The following ARHGAP44 variants were observed in gnomAD, a reference collection of about 807,000 sequenced individuals.
ARHGAP44 encodes Rho GTPase activating protein 44, also known as rho GTPase-activating protein 44.
A neutral mutation model predicts 106.8 loss-of-function variants in ARHGAP44; 43 were observed. That is an observed-to-expected ratio of 0.40 (90% CI 0.32 to 0.52). The LOEUF (loss-of-function observed/expected upper bound fraction) is 0.52, where lower values mean the gene tolerates loss of function less well. Among genes scored for constraint, ARHGAP44 ranks in the 20% least tolerant of loss-of-function variants. The pLI is 0.48. For missense variants in ARHGAP44, 866 were observed against 1,050.5 expected (o/e 0.82, Z 2.43); for synonymous variants, 439 against 410.3 (o/e 1.07, Z -0.85).
chr17:12,963,471 C>T (rs77898476), intron 16 of ARHGAP44, among the ~76,000 whole-genome samples: 15,297 of 152,322 alleles, frequency 0.1, 894 homozygotes, highest in South Asian at 0.2. Context: ...GCCAGCACAG[C>T]TCCAAGCTCT....
chr17:12,816,925 A>T (rs981853470), intron 1 of ARHGAP44, among the ~76,000 whole-genome samples: 2 of 152,192 alleles, frequency 1.3e-5, no homozygotes, highest in South Asian at 4.1e-4. Context: ...ATTGGCATTT[A>T]TAGAATACTT....
chr17:12,927,599 T>G (rs2038284968), intron 6 of ARHGAP44, among the ~76,000 whole-genome samples: 4 of 152,042 alleles, frequency 2.6e-5, no homozygotes. Flanking sequence ...CTTGGGAGAG[T>G]TCACATAACA....
intron 7 of ARHGAP44, 125 bp downstream of exon 7, chr17:12,929,171 A>G: frequency 1.2e-6 from 1 of 864,056 alleles, no homozygotes; most frequent in Non-Finnish European, 1.8e-6. Context: ...AATGTCCCCA[A>G]GCCCGCCGGC....
At chr17:12,971,631 G>A (rs2039529560) in intron 16 of ARHGAP44, among the ~76,000 whole-genome samples, 1 of 152,166 alleles carries the variant, frequency 6.6e-6, no homozygotes, top group African/African-American at 2.4e-5. Context: ...ACCAGACTGT[G>A]TCCCAGAGTT....
chr17:12,888,891 A>G (rs1277646633), intron 1 of ARHGAP44, among the ~76,000 whole-genome samples: 1 of 152,142 alleles, frequency 6.6e-6, no homozygotes. Context: ...TTTATGTGAC[A>G]TTAATATAGA....
chr17:12,952,496 C>A lies in ARHGAP44; in HGVS notation c.1056-5C>A, dbSNP rs370445614. On this transcript the variant is annotated splice_region_variant and splice_polypyrimidine_tract_variant and intron_variant, in intron 12 of 20. Coordinates refer to ENST00000379672, the MANE Select transcript of ARHGAP44 (RefSeq NM_014859.6). ...AACCAATGACCTTTCCTATCAATTTCTCAGTGTCCAGGAGCAAGACAAGAA... is the reference window on the plus strand; with the variant it reads ...AACCAATGACCTTTCCTATCAATTTATCAGTGTCCAGGAGCAAGACAAGAA... The A allele has an allele frequency of 4.0e-5, 63 of 1,570,086 alleles. No homozygotes were observed. The highest frequency in any genetic ancestry group is 1.1e-4 in the Admixed American group (6 of 53,470).
At chr17:12,825,446 TAGAG>T (rs529764166) in intron 1 of ARHGAP44, among the ~76,000 whole-genome samples, 158 of 148,850 alleles carry the variant, frequency 1.1e-3, no homozygotes, top group African/African-American at 3.9e-3. Context: ...GTGTGCATTA[TAGAG>T]AGAGAGAGAT....
At chr17:12,862,216 A>G (rs149901896) in intron 1 of ARHGAP44, among the ~76,000 whole-genome samples, 2 of 152,186 alleles carry the variant, frequency 1.3e-5, no homozygotes, top group Non-Finnish European at 2.9e-5. Flanking sequence ...GCCACCTTGG[A>G]TCTGTGAGGG....
intron 1 of ARHGAP44, among the ~76,000 whole-genome samples, chr17:12,824,442 T>G (rs1350949324): frequency 2.0e-5 from 3 of 152,070 alleles, no homozygotes; most frequent in Admixed American, 1.3e-4. Flanking sequence ...GGGTGTTGTA[T>G]CCAGCTGGAT....
At chr17:12,857,979 T>C (rs2150861033) in intron 1 of ARHGAP44, among the ~76,000 whole-genome samples, 1 of 152,178 alleles carries the variant, frequency 6.6e-6, no homozygotes, top group South Asian at 2.1e-4. Flanking sequence ...TGGCTGCCAC[T>C]AATCCTGCTC....
intron 4 of ARHGAP44, 113 bp from the exon 5 acceptor site, chr17:12,915,787 A>G: frequency 8.1e-6 from 7 of 864,094 alleles, no homozygotes; most frequent in Non-Finnish European, 1.3e-5. Context: ...CAGCCAGCTT[A>G]TTAACACTGA....
chr17:12,802,954 TATATATATATATA>T (rs1353093817), intron 1 of ARHGAP44, among the ~76,000 whole-genome samples: 55 of 24,254 alleles, frequency 2.3e-3, no homozygotes, highest in African/African-American at 0.018. Flanking sequence ...TATATATATA[TATATATATATATA>T]TATTTTTTTT....
chr17:12,958,546 C>T lies in ARHGAP44; in HGVS notation c.1343-171C>T, dbSNP rs146848617. Among the ~76,000 whole-genome samples, 2 of 151,736 alleles carry T rather than the reference C, an allele frequency of 1.3e-5. No individual in the cohort carries two copies. Among genetic ancestry groups the T allele is most frequent in the Non-Finnish European group, 2.9e-5 (2 of 67,950 alleles). On this transcript the variant is annotated intron_variant, in intron 15 of 20. Transcript: ENST00000379672. This position sits in a 1 kb window ranked among gnomAD's most constrained non-coding sequence, Gnocchi z 4.1. ...TGCCTATATAGGTGATCACATGTGT[C>T]CCCCTTTTTGGCCTGTTAATGTGAT...
intron 16 of ARHGAP44, among the ~76,000 whole-genome samples, chr17:12,966,501 C>T (rs1173071955): frequency 6.6e-6 from 1 of 152,164 alleles, no homozygotes; most frequent in Non-Finnish European, 1.5e-5. Flanking sequence ...CTGGAAAATA[C>T]CGAATTCAGG....
At chr17:12,857,403 C>T (rs2035943080) in intron 1 of ARHGAP44, among the ~76,000 whole-genome samples, 1 of 152,178 alleles carries the variant, frequency 6.6e-6, no homozygotes, top group Non-Finnish European at 1.5e-5. Flanking sequence ...TGTGTCATAA[C>T]ATGGCAGAGG....
chr17:12,827,214 T>C lies in ARHGAP44; in HGVS notation c.53+37323T>C, dbSNP rs559261204. On this transcript the variant is annotated intron_variant, in intron 1 of 20. Transcript: ENST00000379672. ...TTTTTGTCTGTGTTCTTATAAAATA[T>C]GTATTGTTGTTTTGGTTATTTTAAT... Among the ~76,000 whole-genome samples the C allele has an allele frequency of 3.9e-5, 6 of 152,324 alleles. No individual in the cohort carries two copies. The East Asian group carries it at 5.8e-4, about 15-fold the overall frequency.
chr17:12,852,031 A>G (rs1381134274), intron 1 of ARHGAP44, among the ~76,000 whole-genome samples: 6 of 150,848 alleles, frequency 4.0e-5, no homozygotes, highest in African/African-American at 1.2e-4. Context: ...GCTCCACCTC[A>G]AGGGTTCTTG....
At chr17:12,881,765 C>T (rs1260247525) in intron 1 of ARHGAP44, among the ~76,000 whole-genome samples, 1 of 152,284 alleles carries the variant, frequency 6.6e-6, no homozygotes. Context: ...ATGATCATAA[C>T]TCACTGTGGC....
At position 12,802,732 on chromosome 17, in the gene ARHGAP44, G is replaced by A. The variant is rs1197913070; in HGVS notation, c.53+12841G>A. Among the ~76,000 whole-genome samples the A allele has an allele frequency of 2.1e-5, 3 of 142,232 alleles. No individual in the cohort carries two copies. In the East Asian group the frequency reaches 6.4e-4, roughly 30 times the overall value. 93.3% of individuals were successfully genotyped at this position (142,232 alleles called of 152,430 possible). On this transcript the variant is annotated intron_variant, in intron 1 of 20. Transcript: ENST00000379672. ...TTTAGTGTGTTTCCTGGCATTCAAAGTAGTCCATTCTTTTTTATTTCTTTT... is the reference window on the plus strand; with the variant it reads ...TTTAGTGTGTTTCCTGGCATTCAAAATAGTCCATTCTTTTTTATTTCTTTT...
Sources: allele counts gnomAD v4.1 joint callset (sites outside exome capture counted in the v4.1 genomes callset), GRCh38; gene constraint gnomAD v4.1.1; non-coding constraint Gnocchi (gnomAD v3.1); transcripts MANE v1.5; gene names NCBI Gene and HGNC (gene_info 2026-07-23, HGNC 2026-07-21).